ZNF385D: variants seen among roughly 807,000 people sequenced by gnomAD.
The protein encoded by ZNF385D is zinc finger protein 659.
In ZNF385D, 15 loss-of-function variants were observed where a neutral mutation model predicts 35.8. The observed-to-expected ratio is 0.42, with a 90% CI of 0.28 to 0.64. ZNF385D has a LOEUF of 0.64. ZNF385D is among the 30% of genes least tolerant of loss of function. The pLI is 0.23. For missense variants in ZNF385D, 474 were observed against 494.6 expected (o/e 0.96, Z 0.39); for synonymous variants, 212 against 186.8 (o/e 1.13, Z -1.10).
intron 3 of ZNF385D, among the ~76,000 whole-genome samples, chr3:22,082,158 G>A (rs1283506181): frequency 6.6e-6 from 1 of 152,094 alleles, no homozygotes; most frequent in Non-Finnish European, 1.5e-5. Context: ...GGTGATTTCT[G>A]CATTTCCAAT....
chr3:21,502,598 T>C (rs1706461503), intron 4 of ZNF385D, among the ~76,000 whole-genome samples: 1 of 152,202 alleles, frequency 6.6e-6, no homozygotes, highest in Admixed American at 6.5e-5. Flanking sequence ...TATAATATTT[T>C]GTTACTTTTA....
chr3:21,944,564 C>T (rs1414492200), intron 3 of ZNF385D, among the ~76,000 whole-genome samples: 5 of 152,166 alleles, frequency 3.3e-5, no homozygotes, highest in East Asian at 1.9e-4. Flanking sequence ...CCTGAAATTA[C>T]GTCAACCCTG....
intron 2 of ZNF385D, among the ~76,000 whole-genome samples, chr3:22,342,949 T>C (rs1193564899): frequency 3.3e-5 from 5 of 152,188 alleles, no homozygotes; most frequent in Non-Finnish European, 7.3e-5. Flanking sequence ...CTATTGAGCA[T>C]TTAAAACATG....
At chr3:21,452,446 A>G (rs1051961330) in intron 4 of ZNF385D, among the ~76,000 whole-genome samples, 1 of 152,046 alleles carries the variant, frequency 6.6e-6, no homozygotes, top group Non-Finnish European at 1.5e-5. Flanking sequence ...GGGAGAAAAC[A>G]TAAAAGGTAT....
intron 2 of ZNF385D, among the ~76,000 whole-genome samples, chr3:22,213,823 A>C (rs138818603): frequency 2.4e-4 from 36 of 152,236 alleles, no homozygotes; most frequent in African/African-American, 8.2e-4. Context: ...TAAGAGACTA[A>C]TTAAAATCCT....
chr3:21,619,780 G>A (rs910729945), intron 2 of ZNF385D, among the ~76,000 whole-genome samples: 4 of 152,128 alleles, frequency 2.6e-5, no homozygotes, highest in Non-Finnish European at 4.4e-5. Context: ...GTGATTCGAG[G>A]AACTGCATCA....
rs78437874 is a variant in ZNF385D, at chr3:21,886,019, A to G, written c.326-220991T>C. ...GTGTTAATCTTATCCAAGAAAAAACACCTTCTCAGAAACATCCAGAATAAT... is the reference window on the plus strand; with the variant it reads ...GTGTTAATCTTATCCAAGAAAAAACGCCTTCTCAGAAACATCCAGAATAAT... On this transcript the variant is annotated intron_variant, in intron 3 of 5. Coordinates refer to the ZNF385D transcript ENST00000494108. 5.3e-3 allele frequency among the ~76,000 whole-genome samples: 803 copies of G among 152,240 alleles called. 9 individuals carry two copies. Among genetic ancestry groups the G allele is most frequent in the African/African-American group, 0.018 (763 of 41,566 alleles).
At chr3:21,834,455 T>C (rs1639134044) in intron 3 of ZNF385D, among the ~76,000 whole-genome samples, 1 of 152,156 alleles carries the variant, frequency 6.6e-6, no homozygotes, top group African/African-American at 2.4e-5. Context: ...AAAATTTGAA[T>C]AAGGAAGAAT....
At chr3:22,135,184 A>G (rs2125693460) in intron 3 of ZNF385D, among the ~76,000 whole-genome samples, 1 of 152,254 alleles carries the variant, frequency 6.6e-6, no homozygotes, top group South Asian at 2.1e-4. Context: ...TTGAAAAGAA[A>G]CAAAATCATC....
chr3:21,632,427 A>T (rs2125838083), intron 2 of ZNF385D, among the ~76,000 whole-genome samples: 1 of 152,172 alleles, frequency 6.6e-6, no homozygotes, highest in African/African-American at 2.4e-5. Flanking sequence ...TCATTTACTG[A>T]GTCTATATCA....
intron 3 of ZNF385D, among the ~76,000 whole-genome samples, chr3:22,126,936 T>A (rs368055973): frequency 6.6e-6 from 1 of 152,178 alleles, no homozygotes; most frequent in East Asian, 1.9e-4. Context: ...AAGTTCTTTG[T>A]CCCTTTTTTG....
chr3:21,814,434 G>A (rs535943212), intron 3 of ZNF385D, among the ~76,000 whole-genome samples: 4 of 152,128 alleles, frequency 2.6e-5, no homozygotes, highest in African/African-American at 9.7e-5. Context: ...GTATTCAGGA[G>A]ACCCATCTCA....
At chr3:22,306,227 G>A (rs1252716447) in intron 2 of ZNF385D, among the ~76,000 whole-genome samples, 5 of 152,032 alleles carry the variant, frequency 3.3e-5, no homozygotes, top group East Asian at 1.9e-4. Context: ...ATTTGACAGC[G>A]GTGTCAGGGA....
intron 3 of ZNF385D, among the ~76,000 whole-genome samples, chr3:21,794,479 T>A (rs533356580): frequency 6.6e-6 from 1 of 152,234 alleles, no homozygotes; most frequent in East Asian, 1.9e-4. Context: ...GGGTAGCTTA[T>A]ACACAACAGG....
intron 3 of ZNF385D, among the ~76,000 whole-genome samples, chr3:22,165,115 A>T (rs950699844): frequency 2.2e-4 from 34 of 152,194 alleles, no homozygotes; most frequent in African/African-American, 8.0e-4. Context: ...AACCCACAGA[A>T]TGTACAACAC....
At chr3:22,056,873 T>C (rs1699429915) in intron 3 of ZNF385D, among the ~76,000 whole-genome samples, 1 of 152,188 alleles carries the variant, frequency 6.6e-6, no homozygotes, top group Admixed American at 6.5e-5. Flanking sequence ...CCAGGCTGAA[T>C]GATTAGTAAC....
At chr3:21,605,930 G>A (rs1046287546) in intron 2 of ZNF385D, among the ~76,000 whole-genome samples, 27 of 151,976 alleles carry the variant, frequency 1.8e-4, no homozygotes, top group African/African-American at 5.1e-4. Context: ...ATGAACACAG[G>A]AAAACCACGT....
intron 3 of ZNF385D, among the ~76,000 whole-genome samples, chr3:22,065,475 T>A (rs1371655157): frequency 1.3e-5 from 2 of 151,844 alleles, no homozygotes; most frequent in African/African-American, 4.8e-5. Flanking sequence ...CAACAAGAGG[T>A]TGCACCCTAC....
At chr3:22,341,743 A>T (rs536360602) in intron 2 of ZNF385D, among the ~76,000 whole-genome samples, 1 of 152,330 alleles carries the variant, frequency 6.6e-6, no homozygotes, top group African/African-American at 2.4e-5. Context: ...TGCCTATGGA[A>T]TCAAATGGAA....
Sources: allele counts gnomAD v4.1 joint callset (sites outside exome capture counted in the v4.1 genomes callset), GRCh38; gene constraint gnomAD v4.1.1; transcripts MANE v1.5; gene names NCBI Gene and HGNC (gene_info 2026-07-23, HGNC 2026-07-21).